The following PTPRD variants were observed in gnomAD, a reference collection of about 807,000 sequenced individuals.
PTPRD encodes protein tyrosine phosphatase receptor type D.
Under a neutral mutation model 214.5 loss-of-function variants are expected in PTPRD, and 34 were observed. The observed-to-expected ratio is 0.16, with a 90% CI of 0.12 to 0.21. The LOEUF (loss-of-function observed/expected upper bound fraction) is 0.21. Ranked by LOEUF, PTPRD falls within the 10% of genes least tolerant of loss-of-function variation. The pLI is 1.00. For missense variants in PTPRD, 2,545 were observed against 2,398.7 expected (o/e 1.06, Z -1.27); for synonymous variants, 1,128 against 845.7 (o/e 1.33, Z -5.79).
chr9:10,112,001 A>G (rs2098695424), intron 3 of PTPRD, among the ~76,000 whole-genome samples: 2 of 152,222 alleles, frequency 1.3e-5, no homozygotes, highest in Non-Finnish European at 2.9e-5. Flanking sequence ...TTTGCTATGT[A>G]GGCCTGATTG....
intron 11 of PTPRD, among the ~76,000 whole-genome samples, chr9:8,797,476 A>G (rs1438302986): frequency 6.6e-6 from 1 of 152,216 alleles, no homozygotes; most frequent in East Asian, 1.9e-4. Context: ...TCTAAGCGAT[A>G]TATGATGCAG....
At chr9:8,410,118 T>C (rs1406954797) in intron 35 of PTPRD, among the ~76,000 whole-genome samples, 1 of 152,174 alleles carries the variant, frequency 6.6e-6, no homozygotes, top group Admixed American at 6.5e-5. Flanking sequence ...TGTTTGAAAA[T>C]GGTAAATTAA....
Position 10,385,825 on chromosome 9 carries a change from A to G in PTPRD, c.-599-44808T>C, listed in dbSNP as rs536415277. Among the ~76,000 whole-genome samples the G allele has an allele frequency of 2.3e-4, 35 of 150,828 alleles. 1 individual carries two copies. The South Asian group carries it at 6.9e-3, about 30-fold the overall frequency. ...TCTGGTGAAAGGTGATAGATGGTCA[A>G]TAATGTAAATACTAAATTCTTTTCT... On this transcript the variant is annotated intron_variant, in intron 2 of 45. Coordinates refer to ENST00000381196, the MANE Select transcript of PTPRD (RefSeq NM_002839.4).
intron 9 of PTPRD, among the ~76,000 whole-genome samples, chr9:9,215,000 C>G (rs1366062870): frequency 1.3e-5 from 2 of 152,200 alleles, no homozygotes; most frequent in South Asian, 2.1e-4. Context: ...TCTGCTGCCT[C>G]TTGAACACAC....
chr9:10,342,118 G>A (rs1448052510), intron 2 of PTPRD, among the ~76,000 whole-genome samples: 2 of 152,022 alleles, frequency 1.3e-5, no homozygotes, highest in African/African-American at 4.8e-5. Flanking sequence ...AGAAACTTGA[G>A]TATCAATCTG....
At chr9:10,436,246 G>A in intron 2 of PTPRD, among the ~76,000 whole-genome samples, 1 of 151,740 alleles carries the variant, frequency 6.6e-6, no homozygotes, top group East Asian at 1.9e-4. Context: ...ATTGATATAT[G>A]TGTATGAATA....
At chr9:8,532,122 T>C (rs1298984576) in intron 14 of PTPRD, among the ~76,000 whole-genome samples, 1 of 152,074 alleles carries the variant, frequency 6.6e-6, no homozygotes. Context: ...ACAGAATCTC[T>C]TTGAATGCAC....
intron 8 of PTPRD, among the ~76,000 whole-genome samples, chr9:9,572,031 A>T (rs1378388225): frequency 6.6e-6 from 1 of 151,212 alleles, no homozygotes; most frequent in Non-Finnish European, 1.5e-5. Flanking sequence ...GACATAAAAA[A>T]CTTTGATCAT....
At chr9:9,348,200 T>C (rs1248306175) in intron 9 of PTPRD, among the ~76,000 whole-genome samples, 1 of 152,172 alleles carries the variant, frequency 6.6e-6, no homozygotes, top group Admixed American at 6.6e-5. Flanking sequence ...CCTTTTTATA[T>C]AGGTGAGAAC....
chr9:8,929,831 GTGTATATATA>G (rs2098936226), intron 11 of PTPRD, among the ~76,000 whole-genome samples: 1 of 91,296 alleles, frequency 1.1e-5, no homozygotes, highest in South Asian at 4.3e-4. Context: ...GTATATATAT[GTGTATATATA>G]TGTGTGTATA....
In PTPRD at chr9:9,358,840, A is replaced by G. The variant is rs1273989180; in HGVS notation, c.-203+38609T>C. 3.3e-5 allele frequency among the ~76,000 whole-genome samples: 5 copies of G among 151,312 alleles called. No individual in the cohort carries two copies. The East Asian group carries it at 7.8e-4, about 24-fold the overall frequency. On this transcript the variant is annotated intron_variant, in intron 9 of 45. Coordinates refer to ENST00000381196, the MANE Select transcript of PTPRD (RefSeq NM_002839.4). Reference sequence around the variant, plus strand: ...GCTTGTTTCTTAATCGCATTCTTGTATAGGAAACTCAAGGCGAGACGAACC... The same window carrying G: ...GCTTGTTTCTTAATCGCATTCTTGTGTAGGAAACTCAAGGCGAGACGAACC...
intron 7 of PTPRD, among the ~76,000 whole-genome samples, chr9:9,673,689 A>C (rs1262945858): frequency 6.6e-6 from 1 of 151,644 alleles, no homozygotes; most frequent in Non-Finnish European, 1.5e-5. Context: ...TAGATACAGG[A>C]ATCAAAACCT....
At chr9:9,385,984 A>T (rs1431072163) in intron 9 of PTPRD, among the ~76,000 whole-genome samples, 1 of 152,128 alleles carries the variant, frequency 6.6e-6, no homozygotes, top group Non-Finnish European at 1.5e-5. Flanking sequence ...TGCTTCTGGA[A>T]TAGCTGTGTT....
intron 4 of PTPRD, among the ~76,000 whole-genome samples, chr9:10,023,846 G>A (rs1386008709): frequency 6.6e-6 from 1 of 151,970 alleles, no homozygotes; most frequent in Non-Finnish European, 1.5e-5. Flanking sequence ...AGACATAGCA[G>A]TGTTTCTTCT....
intron 3 of PTPRD, among the ~76,000 whole-genome samples, chr9:10,052,642 C>T (rs1689918804): frequency 6.6e-6 from 1 of 152,082 alleles, no homozygotes; most frequent in Non-Finnish European, 1.5e-5. Context: ...AGGTGTAAAA[C>T]TAAGGCTAAG....
At chr9:9,840,219 G>A (rs1279925870) in intron 5 of PTPRD, among the ~76,000 whole-genome samples, 1 of 151,738 alleles carries the variant, frequency 6.6e-6, no homozygotes, top group Non-Finnish European at 1.5e-5. Context: ...TGCATTTTTT[G>A]TAGAGATGGG....
chr9:9,614,925 G>T (rs1436935511), intron 7 of PTPRD, among the ~76,000 whole-genome samples: 4 of 152,190 alleles, frequency 2.6e-5, no homozygotes, highest in African/African-American at 7.2e-5. Context: ...ATAATCAACA[G>T]AATTTGTTTA....
chr9:9,749,177 G>A (rs1329216179), intron 6 of PTPRD, among the ~76,000 whole-genome samples: 1 of 152,032 alleles, frequency 6.6e-6, no homozygotes, highest in East Asian at 1.9e-4. Context: ...CTCTCTCCAT[G>A]CCTCTCAGTT....
intron 9 of PTPRD, among the ~76,000 whole-genome samples, chr9:9,238,826 T>G: frequency 6.6e-6 from 1 of 152,304 alleles, no homozygotes; most frequent in East Asian, 1.9e-4. Context: ...AATCCACGTA[T>G]CTGATTAAAT....
Sources: gnomAD v4.1 joint callset for allele counts (sites outside exome capture counted in the v4.1 genomes callset) on GRCh38, gnomAD v4.1.1 for gene constraint, MANE v1.5 for transcripts, NCBI Gene and HGNC (gene_info 2026-07-23, HGNC 2026-07-21) for gene names.